The following ASIC2 variants were observed in gnomAD, a reference collection of about 807,000 sequenced individuals.
The protein encoded by ASIC2 is acid sensing ion channel subunit 2.
In ASIC2, 25 loss-of-function variants were observed where a neutral mutation model predicts 57.3. The ratio of observed to expected loss-of-function variants is 0.44; its 90% CI spans 0.32 to 0.61. The LOEUF (loss-of-function observed/expected upper bound fraction) is 0.61. Among genes scored for constraint, ASIC2 ranks in the 20% least tolerant of loss-of-function variants. ASIC2 has a pLI of 0.06. For missense variants in ASIC2, 641 were observed against 738.1 expected, an observed-to-expected ratio of 0.87 and a Z score of 1.52; for synonymous variants, 319 against 307.5, an observed-to-expected ratio of 1.04 and a Z score of -0.39.
chr17:33,174,882 T>C (rs117621189), intron 1 of ASIC2, among the ~76,000 whole-genome samples: 3,478 of 152,272 alleles, frequency 0.023, 70 homozygotes, highest in Non-Finnish European at 0.036. Context: ...TTTCTTCTCA[T>C]GGCATAAGTC....
intron 1 of ASIC2, among the ~76,000 whole-genome samples, chr17:34,081,805 C>A (rs1909895562): frequency 6.6e-6 from 1 of 152,216 alleles, no homozygotes; most frequent in African/African-American, 2.4e-5. Context: ...TTTGTTTTAT[C>A]TCTATAAGCC....
intron 7 of ASIC2, among the ~76,000 whole-genome samples, chr17:33,019,897 CTG>C (rs2091828012): frequency 1.3e-5 from 2 of 151,870 alleles, no homozygotes; most frequent in Non-Finnish European, 2.9e-5. Context: ...CAGAGAAAGA[CTG>C]TGAGCCTATG....
At chr17:33,174,834 A>G (rs1905679099) in intron 1 of ASIC2, among the ~76,000 whole-genome samples, 3 of 152,108 alleles carry the variant, frequency 2.0e-5, no homozygotes, top group African/African-American at 7.2e-5. Flanking sequence ...GCAAGAAATG[A>G]GCTTGTGTTG....
intron 1 of ASIC2, among the ~76,000 whole-genome samples, chr17:33,369,266 C>T (rs1597702214): frequency 6.6e-6 from 1 of 152,236 alleles, no homozygotes; most frequent in South Asian, 2.1e-4. Context: ...GAGTTAAAAG[C>T]AGAGTATTTC....
chr17:33,783,763 C>T (rs1911524419), intron 1 of ASIC2, among the ~76,000 whole-genome samples: 1 of 152,226 alleles, frequency 6.6e-6, no homozygotes, highest in African/African-American at 2.4e-5. Flanking sequence ...CCCCTGGATT[C>T]TTAGTCCCAA....
chr17:33,755,071 G>T (rs1192957227), intron 1 of ASIC2, among the ~76,000 whole-genome samples: 2 of 152,036 alleles, frequency 1.3e-5, no homozygotes, highest in African/African-American at 4.8e-5. Flanking sequence ...GAGCTGACGG[G>T]ATTATTCTGG....
At position 33,766,747 on chromosome 17, in the gene ASIC2, C is replaced by T. The variant is rs138116531; in HGVS notation, c.555+389231G>A. ...GAAGCTGTATGCTGAGAGTTAAACT[C>T]TGTGCTATTTGATCTGTGGTGAAAA... On this transcript the variant is annotated intron_variant, in intron 1 of 9. Transcript: ENST00000359872. Among the ~76,000 whole-genome samples the T allele has an allele frequency of 1.7e-4, 26 of 152,258 alleles. No individual in the cohort carries two copies. The East Asian group carries it at 5.0e-3, about 29-fold the overall frequency.
intron 1 of ASIC2, among the ~76,000 whole-genome samples, chr17:34,096,789 G>A (rs1220086688): frequency 2.0e-5 from 3 of 148,062 alleles, no homozygotes; most frequent in African/African-American, 7.5e-5. Context: ...CCTGGGAGGC[G>A]GAGCTTGCAG....
chr17:34,067,218 G>T (rs908570922), intron 1 of ASIC2, among the ~76,000 whole-genome samples: 2 of 152,198 alleles, frequency 1.3e-5, no homozygotes, highest in Admixed American at 6.5e-5. Flanking sequence ...GGCTGACATT[G>T]CTTGCTCTCT....
At chr17:33,820,973 C>G (rs1912728987) in intron 1 of ASIC2, among the ~76,000 whole-genome samples, 1 of 152,248 alleles carries the variant, frequency 6.6e-6, no homozygotes, top group African/African-American at 2.4e-5. Flanking sequence ...AGACCCTAGA[C>G]TGCCTCTCAT....
chr17:33,483,638 G>A (rs1470971791), intron 1 of ASIC2, among the ~76,000 whole-genome samples: 1 of 152,214 alleles, frequency 6.6e-6, no homozygotes, highest in Non-Finnish European at 1.5e-5. Context: ...GAAGTCAGGA[G>A]AAAGACTTTC....
At chr17:33,548,978 CAG>C (rs1201450809) in intron 1 of ASIC2, among the ~76,000 whole-genome samples, 3 of 152,122 alleles carry the variant, frequency 2.0e-5, no homozygotes, top group Non-Finnish European at 4.4e-5. Flanking sequence ...ATTTTACCCC[CAG>C]ATGTAACACC....
chr17:33,262,509 T>G (rs1254332798), intron 1 of ASIC2, among the ~76,000 whole-genome samples: 1 of 152,062 alleles, frequency 6.6e-6, no homozygotes, highest in Non-Finnish European at 1.5e-5. Context: ...ATATAGTCTG[T>G]AATTGCTCAA....
chr17:33,799,434 CTTTCTTTCTTTCT>C (rs1912047833), intron 1 of ASIC2, among the ~76,000 whole-genome samples: 41 of 31,170 alleles, frequency 1.3e-3, no homozygotes, highest in South Asian at 8.9e-3. Flanking sequence ...TTTCTTCTTT[CTTTCTTTCTTTCT>C]TTCTTTCTTT....
intron 1 of ASIC2, among the ~76,000 whole-genome samples, chr17:33,121,861 G>C (rs1485991931): frequency 6.6e-6 from 1 of 152,156 alleles, no homozygotes; most frequent in Non-Finnish European, 1.5e-5. Flanking sequence ...GTTAGCATTT[G>C]ATTCTCCCCA....
intron 1 of ASIC2, among the ~76,000 whole-genome samples, chr17:33,129,267 G>A (rs151309717): frequency 6.6e-6 from 1 of 152,268 alleles, no homozygotes; most frequent in East Asian, 1.9e-4. Context: ...GCTGGGAAGA[G>A]GTTTGGTAAA....
intron 1 of ASIC2, among the ~76,000 whole-genome samples, chr17:34,068,278 AG>A (rs1270629198): frequency 1.3e-5 from 2 of 152,244 alleles, no homozygotes; most frequent in East Asian, 1.9e-4. Context: ...GAAGGGGACC[AG>A]GAATCAGCTT....
chr17:33,594,081 T>C (rs1007894848), intron 1 of ASIC2, among the ~76,000 whole-genome samples: 1 of 152,260 alleles, frequency 6.6e-6, no homozygotes, highest in Non-Finnish European at 1.5e-5. Context: ...ATGCAAGTCA[T>C]CTTGCTAGAT....
At chr17:34,014,286 C>T (rs73278466) in intron 1 of ASIC2, among the ~76,000 whole-genome samples, 1 of 152,088 alleles carries the variant, frequency 6.6e-6, no homozygotes, top group East Asian at 1.9e-4. Flanking sequence ...TGATGGTCAC[C>T]CATAGCTACC....
Sources: gnomAD v4.1 joint callset for allele counts (sites outside exome capture counted in the v4.1 genomes callset) on GRCh38, gnomAD v4.1.1 for gene constraint, MANE v1.5 for transcripts, NCBI Gene and HGNC (gene_info 2026-07-23, HGNC 2026-07-21) for gene names.